The following TASP1 variants were observed in gnomAD, a reference collection of about 807,000 sequenced individuals.
TASP1 encodes the protein threonine aspartase 1.
Under a neutral mutation model 56.6 loss-of-function variants are expected in TASP1, and 16 were observed. The ratio of observed to expected loss-of-function variants is 0.28; its 90% CI spans 0.19 to 0.43. TASP1 has a LOEUF of 0.43. Ranked by LOEUF, TASP1 falls within the 20% of genes least tolerant of loss-of-function variation. The probability of loss-of-function intolerance (pLI) is 1.00; values close to 1 mark genes in which losing one functional copy is unlikely to be tolerated. For missense variants in TASP1, 393 were observed against 511.6 expected, an observed-to-expected ratio of 0.77 and a Z score of 2.24; for synonymous variants, 179 against 184.2, an observed-to-expected ratio of 0.97 and a Z score of 0.23.
At chr20:13,147,447 A>T in the TASP1 span, among the ~76,000 whole-genome samples, 5 of 152,154 alleles carry the variant, frequency 3.3e-5, no homozygotes, top group East Asian at 9.7e-4. Context: ...TTCAGTGCTT[A>T]AAATAACAGA....
At chr20:13,496,303 C>CCTTG (rs2043725722) in intron 10 of TASP1, among the ~76,000 whole-genome samples, 1 of 152,166 alleles carries the variant, frequency 6.6e-6, no homozygotes, top group Non-Finnish European at 1.5e-5. Flanking sequence ...GATCCACCCG[C>CCTTG]CTTGGCCTCC....
chr20:13,212,899 C>T, the TASP1 span, among the ~76,000 whole-genome samples: 3 of 152,178 alleles, frequency 2.0e-5, no homozygotes, highest in Non-Finnish European at 4.4e-5. Context: ...ACATCTGGCT[C>T]ACAAATGAGG....
the TASP1 span, among the ~76,000 whole-genome samples, chr20:13,247,221 A>G: frequency 6.6e-6 from 1 of 152,152 alleles, no homozygotes; most frequent in Admixed American, 6.5e-5. Flanking sequence ...AAAAAATGTG[A>G]ATCTCCGTCT....
intron 12 of TASP1, among the ~76,000 whole-genome samples, chr20:13,420,899 G>A (rs1474019286): frequency 3.9e-5 from 6 of 151,986 alleles, no homozygotes; most frequent in Non-Finnish European, 5.9e-5. Context: ...GTATAGATAA[G>A]GATTTGTACT....
At chr20:13,271,507 C>T in the TASP1 span, among the ~76,000 whole-genome samples, 1 of 152,156 alleles carries the variant, frequency 6.6e-6, no homozygotes, top group African/African-American at 2.4e-5. Context: ...GAGACAAAGC[C>T]CGTGTCATTT....
At chr20:13,162,166 T>C in the TASP1 span, among the ~76,000 whole-genome samples, 1 of 152,034 alleles carries the variant, frequency 6.6e-6, no homozygotes. Flanking sequence ...CCCTTGAAAA[T>C]GTAGAAGGCT....
At chr20:13,443,473 T>A (rs1313671326) in intron 11 of TASP1, among the ~76,000 whole-genome samples, 3 of 152,130 alleles carry the variant, frequency 2.0e-5, no homozygotes, top group Non-Finnish European at 4.4e-5. Context: ...AGTAAAGAAG[T>A]AAGAAAGAAG....
chr20:13,508,324 G>GA (rs1015868318), intron 10 of TASP1, among the ~76,000 whole-genome samples: 1 of 151,892 alleles, frequency 6.6e-6, no homozygotes, highest in Admixed American at 6.6e-5. Flanking sequence ...CATTGAATGG[G>GA]AAAAAATATT....
chr20:13,603,111 A>G (rs1287130478), intron 4 of TASP1, among the ~76,000 whole-genome samples: 1 of 152,062 alleles, frequency 6.6e-6, no homozygotes, highest in East Asian at 1.9e-4. Flanking sequence ...TGCATCTGTA[A>G]TCTCAGCTAC....
At chr20:13,383,533 G>A in the TASP1 span, among the ~76,000 whole-genome samples, 1 of 152,212 alleles carries the variant, frequency 6.6e-6, no homozygotes, top group Non-Finnish European at 1.5e-5. Flanking sequence ...AGCAATAAAT[G>A]TGGCAAAAGT....
At chr20:13,620,231 T>C (rs1307766178) in intron 4 of TASP1, among the ~76,000 whole-genome samples, 1 of 150,612 alleles carries the variant, frequency 6.6e-6, no homozygotes. Flanking sequence ...CATAATTCCC[T>C]TTACTCTGTG....
chr20:13,332,365 T>A, the TASP1 span, among the ~76,000 whole-genome samples: 1 of 152,206 alleles, frequency 6.6e-6, no homozygotes, highest in African/African-American at 2.4e-5. Flanking sequence ...CTTGTCATCA[T>A]GTTGTTTATT....
At chr20:13,251,426 C>T in the TASP1 span, among the ~76,000 whole-genome samples, 1 of 152,194 alleles carries the variant, frequency 6.6e-6, no homozygotes, top group Non-Finnish European at 1.5e-5. Context: ...AGAGATCAAA[C>T]ATGCGTCGTG....
chr20:13,427,170 C>T (rs191610210), intron 12 of TASP1, among the ~76,000 whole-genome samples: 13 of 152,216 alleles, frequency 8.5e-5, no homozygotes, highest in Admixed American at 5.2e-4. Flanking sequence ...TATATGTGCT[C>T]GCCAAATTTT....
intron 1 of TASP1, among the ~76,000 whole-genome samples, chr20:13,630,500 C>T (rs143560391): frequency 4.1e-4 from 62 of 151,884 alleles, no homozygotes; most frequent in Non-Finnish European, 8.4e-4. Flanking sequence ...ACCAGCCTGA[C>T]CAACATGGTG....
the TASP1 span, among the ~76,000 whole-genome samples, chr20:13,214,582 G>C: frequency 6.6e-6 from 1 of 151,958 alleles, no homozygotes; most frequent in South Asian, 2.1e-4. Context: ...GAGAGAGAGA[G>C]AGAGAGACAG....
chr20:13,604,892 C>T (rs1411421336), intron 4 of TASP1, among the ~76,000 whole-genome samples: 1 of 151,804 alleles, frequency 6.6e-6, no homozygotes. Context: ...ACACTCACCA[C>T]AGACTCAGCA....
intron 11 of TASP1, among the ~76,000 whole-genome samples, chr20:13,481,087 C>A (rs975470005): frequency 2.6e-5 from 4 of 151,938 alleles, no homozygotes; most frequent in African/African-American, 9.7e-5. Flanking sequence ...TTAAGCATCC[C>A]CACCTCCCGC....
chr20:13,495,414 C>T (rs375393138), intron 10 of TASP1, among the ~76,000 whole-genome samples: 2 of 152,248 alleles, frequency 1.3e-5, no homozygotes, highest in East Asian at 3.9e-4. Context: ...TTTCTCTATT[C>T]AATACAGTAT....
Sources: allele counts gnomAD v4.1 joint callset (sites outside exome capture counted in the v4.1 genomes callset), GRCh38; gene constraint gnomAD v4.1.1; transcripts MANE v1.5; gene names NCBI Gene and HGNC (gene_info 2026-07-23, HGNC 2026-07-21).